The following CNTN6 variants were observed in gnomAD, a reference collection of about 807,000 sequenced individuals.
The protein encoded by CNTN6 is contactin-6.
CNTN6 carries 137 observed loss-of-function variants against 122.8 expected under a neutral mutation model. The ratio of observed to expected loss-of-function variants is 1.12; its 90% CI spans 0.97 to 1.29. The LOEUF (loss-of-function observed/expected upper bound fraction) is 1.29. Ranked by LOEUF, CNTN6 falls within the 50% of genes most tolerant of loss-of-function variation. The pLI is 0.00. For missense variants in CNTN6, 1,634 were observed against 1,223.4 expected (o/e 1.34, Z -5.01); for synonymous variants, 570 against 426.0 (o/e 1.34, Z -4.16).
At chr3:1,220,596 A>T (rs898540145) in intron 2 of CNTN6, 91 bp from the exon 3 acceptor site, 1 of 1,030,804 alleles carries the variant, frequency 9.7e-7, no homozygotes, top group African/African-American at 1.7e-5. Context: ...AAATAATTTT[A>T]AATATGTATA....
At chr3:1,372,613 T>C in intron 13 of CNTN6, 139 bp downstream of exon 13, 1 of 797,610 alleles carries the variant, frequency 1.3e-6, no homozygotes, top group Non-Finnish European at 1.9e-6. Context: ...TTGTTTTTGT[T>C]TTGGTTTATT....
At chr3:1,304,425 C>A (rs1223102184) in intron 7 of CNTN6, among the ~76,000 whole-genome samples, 3 of 152,186 alleles carry the variant, frequency 2.0e-5, no homozygotes, top group Admixed American at 2.0e-4. Flanking sequence ...TTCAAATCTA[C>A]ATCTCATAGA....
chr3:1,277,776 A>G (rs537668277), intron 4 of CNTN6, among the ~76,000 whole-genome samples: 3 of 152,198 alleles, frequency 2.0e-5, no homozygotes, highest in Non-Finnish European at 4.4e-5. Context: ...TTCTTCAGGA[A>G]GGTGGAAAGA....
At chr3:1,390,369 A>G (rs1486700361) in intron 20 of CNTN6, among the ~76,000 whole-genome samples, 23 of 151,812 alleles carry the variant, frequency 1.5e-4, no homozygotes, top group Admixed American at 3.3e-4. Context: ...CAATGAGAAC[A>G]AAGACACAAC....
intron 8 of CNTN6, among the ~76,000 whole-genome samples, chr3:1,322,597 T>C (rs1187294195): frequency 6.6e-6 from 1 of 151,732 alleles, no homozygotes; most frequent in East Asian, 1.9e-4. Context: ...GTGACATGTT[T>C]ATAATCAATG....
At chr3:1,160,688 T>G (rs1385802584) in intron 2 of CNTN6, among the ~76,000 whole-genome samples, 1 of 151,408 alleles carries the variant, frequency 6.6e-6, no homozygotes, top group Non-Finnish European at 1.5e-5. Flanking sequence ...GAAAAATTAA[T>G]TTGATATCCC....
chr3:1,129,262 A>G (rs1397769322), intron 1 of CNTN6, among the ~76,000 whole-genome samples: 4 of 152,078 alleles, frequency 2.6e-5, no homozygotes, highest in African/African-American at 9.7e-5. Context: ...TAATGTGCAT[A>G]TTTTAAGTGC....
chr3:1,297,954 G>C lies in CNTN6; in HGVS notation c.724G>C (p.Asp242His), dbSNP rs369254276. ...TCCTGAAACTATACAAGCTGCAAAG[G>C]ATTCATCTGTAAAACTGGAATGTTT... ...RFPETIQAAK[D>H]SSVKLECFAL... Residue 242 changes from aspartate to histidine, a missense_variant, in exon 7 of 23, where the codon GAT (aspartate) becomes CAT (histidine). By Grantham distance (81) the Asp-to-His change is moderately conservative. Transcript: ENST00000446702. 8 of 1,612,176 alleles carry C rather than the reference G, an allele frequency of 5.0e-6. No individual in the cohort carries two copies. The African/African-American group carries it at 6.7e-5, about 13-fold the overall frequency.
chr3:1,156,243 TA>T (rs2092959230), intron 2 of CNTN6, among the ~76,000 whole-genome samples: 1 of 152,206 alleles, frequency 6.6e-6, no homozygotes, highest in South Asian at 2.1e-4. Flanking sequence ...TTAACACACT[TA>T]TTCGAATGCT....
At chr3:1,178,456 C>T (rs1219515363) in intron 2 of CNTN6, among the ~76,000 whole-genome samples, 1 of 152,116 alleles carries the variant, frequency 6.6e-6, no homozygotes, top group Admixed American at 6.6e-5. Context: ...TTGAAATTAG[C>T]CTGCTGATGA....
At chr3:1,329,761 T>C in intron 10 of CNTN6, 24 bp from the exon 11 acceptor site, 1 of 1,596,226 alleles carries the variant, frequency 6.3e-7, no homozygotes, top group Non-Finnish European at 8.5e-7. Context: ...AATTAAACAA[T>C]TTTGTCTTTG....
intron 1 of CNTN6, among the ~76,000 whole-genome samples, chr3:1,115,323 A>G (rs1435394060): frequency 6.6e-6 from 1 of 152,212 alleles, no homozygotes; most frequent in East Asian, 1.9e-4. Flanking sequence ...AGGAGTCCTC[A>G]GTAAAAGAAG....
chr3:1,387,653 G>A (rs188323604), intron 20 of CNTN6, among the ~76,000 whole-genome samples: 11 of 152,298 alleles, frequency 7.2e-5, no homozygotes, highest in South Asian at 6.2e-4. Context: ...TGAGGTACCC[G>A]GTTCATCTCA....
At position 1,327,589 on chromosome 3, in the gene CNTN6, A is replaced by G; in HGVS notation, c.1213+3A>G. 1.2e-6 allele frequency: 2 copies of G among 1,608,710 alleles called. No individual in the cohort carries two copies. Among genetic ancestry groups the G allele is most frequent in the Admixed American group, 1.7e-5 (1 of 59,610 alleles). ...AAATGCTGAATTGAGAGTTTTAGGTAAGTCGTTTATTTACAACCAACAAAT... is the reference window on the plus strand; with the variant it reads ...AAATGCTGAATTGAGAGTTTTAGGTGAGTCGTTTATTTACAACCAACAAAT... On this transcript the variant is annotated splice_donor_region_variant and intron_variant, in intron 10 of 22. Coordinates refer to ENST00000446702, the MANE Select transcript of CNTN6 (RefSeq NM_001289080.2).
intron 1 of CNTN6, among the ~76,000 whole-genome samples, chr3:1,099,843 A>T (rs1243826855): frequency 6.6e-6 from 1 of 152,136 alleles, no homozygotes; most frequent in African/African-American, 2.4e-5. Flanking sequence ...AATATTCTTT[A>T]TTCATTTTTT....
At chr3:1,367,619 C>A (rs917953120) in intron 12 of CNTN6, among the ~76,000 whole-genome samples, 1 of 151,968 alleles carries the variant, frequency 6.6e-6, no homozygotes, top group Middle Eastern at 3.2e-3. Flanking sequence ...CTTCACCATA[C>A]CCACATGCAT....
intron 11 of CNTN6, among the ~76,000 whole-genome samples, chr3:1,348,807 T>C (rs193191576): frequency 8.6e-5 from 13 of 152,038 alleles, no homozygotes; most frequent in Non-Finnish European, 1.8e-4. Flanking sequence ...TCCTGATTTA[T>C]AAAATAGGGG....
intron 12 of CNTN6, among the ~76,000 whole-genome samples, chr3:1,356,307 A>T (rs1168423558): frequency 6.6e-6 from 1 of 151,794 alleles, no homozygotes; most frequent in Non-Finnish European, 1.5e-5. Flanking sequence ...TCATTGCTTC[A>T]GTGTTATTTT....
chr3:1,116,219 A>T (rs2091712661), intron 1 of CNTN6, among the ~76,000 whole-genome samples: 1 of 152,206 alleles, frequency 6.6e-6, no homozygotes, highest in Non-Finnish European at 1.5e-5. Context: ...CATTAATAAT[A>T]GCAGTTTAGC....
Sources: gnomAD v4.1 joint callset for allele counts (sites outside exome capture counted in the v4.1 genomes callset) on GRCh38, gnomAD v4.1.1 for gene constraint, MANE v1.5 for transcripts, NCBI Gene and HGNC (gene_info 2026-07-23, HGNC 2026-07-21) for gene names.